ARHGAP10: variants seen among roughly 807,000 people sequenced by gnomAD.
ARHGAP10 encodes Rho GTPase activating protein 10, also known as rho GTPase-activating protein 10.
In ARHGAP10, 87 loss-of-function variants were observed where a neutral mutation model predicts 108.6. That is an observed-to-expected ratio of 0.80 (90% CI 0.67 to 0.96). The LOEUF is 0.96. ARHGAP10 is among the 40% of genes least tolerant of loss of function. The probability of loss-of-function intolerance (pLI) is 0.00; values close to 1 mark genes in which losing one functional copy is unlikely to be tolerated. For missense variants in ARHGAP10, 939 were observed against 954.5 expected, an observed-to-expected ratio of 0.98 and a Z score of 0.21; for synonymous variants, 347 against 341.1, an observed-to-expected ratio of 1.02 and a Z score of -0.19.
rs116483167 is a variant in ARHGAP10 at position 147,838,402 on chromosome 4, C to T, written c.313-8749C>T. Among the ~76,000 whole-genome samples, 190 of 151,994 alleles carry T rather than the reference C, an allele frequency of 1.3e-3. 1 individual carries two copies. Among genetic ancestry groups the T allele is most frequent in the African/African-American group, 4.3e-3 (178 of 41,448 alleles). On this transcript the variant is annotated intron_variant, in intron 3 of 22. Transcript: ENST00000336498. Reference sequence around the variant, plus strand: ...GGAGGATTGTTTCAGCCCATGATTTCGAGGCTGTAGTGATCTGTTATCACA... The same window carrying T: ...GGAGGATTGTTTCAGCCCATGATTTTGAGGCTGTAGTGATCTGTTATCACA...
chr4:148,060,719 A>G (rs965174471), intron 20 of ARHGAP10, among the ~76,000 whole-genome samples: 1 of 152,180 alleles, frequency 6.6e-6, no homozygotes, highest in African/African-American at 2.4e-5. Flanking sequence ...GGGTTCTGAA[A>G]TCAAAGGAGT....
chr4:148,012,255 A>T (rs1442945227), intron 18 of ARHGAP10, among the ~76,000 whole-genome samples: 1 of 152,168 alleles, frequency 6.6e-6, no homozygotes, highest in African/African-American at 2.4e-5. Context: ...CCATTGAGAG[A>T]ACTCTCCCCC....
At position 147,907,904 on chromosome 4, in the gene ARHGAP10, G is replaced by A. The variant is rs372125654; in HGVS notation, c.1116+1185G>A. On this transcript the variant is annotated intron_variant, in intron 11 of 22. Transcript: ENST00000336498. ...GTTGCCCAGTCTGCAGTGCAGTGGC[G>A]TGACCTTGGCTCACTGCAACCTCTG... Among the ~76,000 whole-genome samples, 62 of 152,178 alleles carry A rather than the reference G, an allele frequency of 4.1e-4. No homozygotes were observed. In the South Asian group the frequency reaches 7.9e-3, roughly 19 times the overall value.
At chr4:148,053,551 C>T (rs1428069909) in intron 20 of ARHGAP10, among the ~76,000 whole-genome samples, 2 of 152,168 alleles carry the variant, frequency 1.3e-5, no homozygotes, top group Non-Finnish European at 2.9e-5. Context: ...CAGGCAGCAT[C>T]CATAATCTTT....
intron 18 of ARHGAP10, among the ~76,000 whole-genome samples, chr4:147,975,412 G>T (rs1739555649): frequency 6.6e-6 from 1 of 152,220 alleles, no homozygotes; most frequent in Non-Finnish European, 1.5e-5. Context: ...TTTCCCATAT[G>T]TCTTAGTCTG....
intron 8 of ARHGAP10, among the ~76,000 whole-genome samples, chr4:147,877,678 C>A (rs1374874236): frequency 6.6e-6 from 1 of 152,084 alleles, no homozygotes; most frequent in Non-Finnish European, 1.5e-5. Flanking sequence ...TGCTAGAGGT[C>A]CCTCTGACAT....
At chr4:147,769,058 T>TAA (rs1008371050) in intron 1 of ARHGAP10, among the ~76,000 whole-genome samples, 1 of 151,932 alleles carries the variant, frequency 6.6e-6, no homozygotes, top group Non-Finnish European at 1.5e-5. Flanking sequence ...ATATGAAAAT[T>TAA]AAAAAAACAT....
intron 20 of ARHGAP10, among the ~76,000 whole-genome samples, chr4:148,048,612 G>A (rs1312782213): frequency 1.3e-5 from 2 of 152,182 alleles, no homozygotes; most frequent in Non-Finnish European, 1.5e-5. Flanking sequence ...TACACTCGAG[G>A]TGGAATTTAG....
At chr4:147,987,377 G>C (rs953246057) in intron 18 of ARHGAP10, among the ~76,000 whole-genome samples, 2 of 152,178 alleles carry the variant, frequency 1.3e-5, no homozygotes, top group Admixed American at 6.5e-5. Context: ...GCAGGATTGG[G>C]AGAAGGGTAT....
chr4:148,051,293 T>C (rs1214172903), intron 20 of ARHGAP10, among the ~76,000 whole-genome samples: 2 of 152,214 alleles, frequency 1.3e-5, no homozygotes, highest in Non-Finnish European at 2.9e-5. Context: ...CTCAGTCTCC[T>C]TGGAGGACAT....
intron 18 of ARHGAP10, among the ~76,000 whole-genome samples, chr4:148,009,922 A>T (rs1741105685): frequency 6.6e-6 from 1 of 152,202 alleles, no homozygotes; most frequent in African/African-American, 2.4e-5. Context: ...GTGAAACCTC[A>T]GTTTCTGGTA....
chr4:147,959,635 G>A (rs1560846015), intron 16 of ARHGAP10, among the ~76,000 whole-genome samples: 1 of 152,064 alleles, frequency 6.6e-6, no homozygotes, highest in Non-Finnish European at 1.5e-5. Flanking sequence ...TTCTGTCCTT[G>A]CGATAGGTTG....
At chr4:147,752,729 G>T (rs762285994) in intron 1 of ARHGAP10, among the ~76,000 whole-genome samples, 14 of 152,150 alleles carry the variant, frequency 9.2e-5, no homozygotes, top group Non-Finnish European at 1.9e-4. Context: ...GTTTTGCCAT[G>T]TTGGCCAGGC....
intron 18 of ARHGAP10, among the ~76,000 whole-genome samples, chr4:147,986,530 C>A (rs1215457328): frequency 6.6e-6 from 1 of 152,152 alleles, no homozygotes; most frequent in Admixed American, 6.5e-5. Context: ...ACTCCTCTCC[C>A]CTGGTCACCT....
At chr4:147,880,914 AAAG>A (rs2126871004) in intron 9 of ARHGAP10, among the ~76,000 whole-genome samples, 1 of 152,390 alleles carries the variant, frequency 6.6e-6, no homozygotes, top group South Asian at 2.1e-4. Flanking sequence ...ACACTAAAAA[AAAG>A]AGTACAATAA....
At chr4:147,846,867 T>C (rs1257378577) in intron 3 of ARHGAP10, among the ~76,000 whole-genome samples, 6 of 152,206 alleles carry the variant, frequency 3.9e-5, no homozygotes, top group Admixed American at 3.9e-4. Flanking sequence ...GACCCCTTTG[T>C]TGTTTACAGA....
rs1411745355 is a variant in ARHGAP10, at chr4:148,060,344, A to ACTT, written c.2028-2804_2028-2803insCTT. 2.2e-4 allele frequency among the ~76,000 whole-genome samples: 27 copies of ACTT among 120,822 alleles called. 4 individuals carry two copies. Among genetic ancestry groups the ACTT allele is most frequent in the Non-Finnish European group, 2.5e-4 (14 of 56,878 alleles). 79.3% of individuals were successfully genotyped at this position (120,822 alleles called of 152,430 possible). ...TGGTTACATAACGAAGCTCATGTTTAGTTTTTTTTTTTTTTTTTTTTTGGC... is the reference window on the plus strand; with the variant it reads ...TGGTTACATAACGAAGCTCATGTTTACTTGTTTTTTTTTTTTTTTTTTTTTGGC... On this transcript the variant is annotated intron_variant, in intron 20 of 22. Transcript: ENST00000336498.
chr4:148,004,698 C>A (rs1157803597), intron 18 of ARHGAP10, among the ~76,000 whole-genome samples: 1 of 152,188 alleles, frequency 6.6e-6, no homozygotes, highest in African/African-American at 2.4e-5. Flanking sequence ...GAAATGAATT[C>A]TGCCAACAAC....
intron 1 of ARHGAP10, among the ~76,000 whole-genome samples, chr4:147,753,800 T>A (rs956373810): frequency 2.0e-5 from 3 of 152,156 alleles, no homozygotes; most frequent in African/African-American, 7.2e-5. Flanking sequence ...ATGTTGAAAA[T>A]TTACATTGGG....
Sources: allele counts gnomAD v4.1 joint callset (sites outside exome capture counted in the v4.1 genomes callset), GRCh38; gene constraint gnomAD v4.1.1; transcripts MANE v1.5; gene names NCBI Gene and HGNC (gene_info 2026-07-23, HGNC 2026-07-21).